The following PCDH7 variants were observed in gnomAD, a reference collection of about 807,000 sequenced individuals.
PCDH7 encodes protocadherin 7.
Under a neutral mutation model 58.9 loss-of-function variants are expected in PCDH7, and 17 were observed. The ratio of observed to expected loss-of-function variants is 0.29; its 90% CI spans 0.20 to 0.43. The LOEUF (loss-of-function observed/expected upper bound fraction) is 0.43. PCDH7 is among the 20% of genes least tolerant of loss of function. The pLI is 1.00. For synonymous variants in PCDH7, 664 were observed against 616.4 expected (o/e 1.08, Z -1.14); for missense variants, 1,274 against 1,441.0 (o/e 0.88, Z 1.88).
intron 3 of PCDH7, among the ~76,000 whole-genome samples, chr4:30,988,939 C>T (rs1751221998): frequency 6.6e-6 from 1 of 152,096 alleles, no homozygotes. Context: ...TTTAGAAAAA[C>T]TGACAGCTTG....
intron 1 of PCDH7, among the ~76,000 whole-genome samples, chr4:30,818,146 C>T (rs1727924857): frequency 6.6e-6 from 1 of 152,190 alleles, no homozygotes; most frequent in Non-Finnish European, 1.5e-5. Flanking sequence ...GTCGTCTTAG[C>T]AGTGAGCTCC....
downstream of PCDH7, among the ~76,000 whole-genome samples, chr4:30,735,359 C>T (rs756955028): frequency 4.7e-4 from 72 of 152,004 alleles, no homozygotes; most frequent in Non-Finnish European, 8.7e-4. Context: ...AAAGGTGAGG[C>T]GGGGCATATC....
At chr4:30,862,695 G>A (rs1004994231) in intron 1 of PCDH7, among the ~76,000 whole-genome samples, 2 of 152,006 alleles carry the variant, frequency 1.3e-5, no homozygotes, top group African/African-American at 4.8e-5. Flanking sequence ...TTTGCTTTTT[G>A]CTTTCTTTTC....
intron 3 of PCDH7, among the ~76,000 whole-genome samples, chr4:30,992,930 C>T (rs187960417): frequency 2.2e-4 from 33 of 151,422 alleles, no homozygotes; most frequent in African/African-American, 7.3e-4. Flanking sequence ...TCCTGAGTAG[C>T]TGGGATTACA....
intron 1 of PCDH7, among the ~76,000 whole-genome samples, chr4:30,758,368 G>T (rs928371649): frequency 5.3e-5 from 8 of 152,164 alleles, no homozygotes; most frequent in African/African-American, 1.9e-4. Flanking sequence ...AGGTTATGTT[G>T]TGCATGGTTT....
intron 1 of PCDH7, among the ~76,000 whole-genome samples, chr4:30,739,686 A>G (rs1273968533): frequency 1.3e-5 from 2 of 152,158 alleles, no homozygotes; most frequent in Non-Finnish European, 2.9e-5. Context: ...GTATGTATTT[A>G]TGTGTAGTGG....
chr4:30,775,960 C>T (rs747831569), intron 1 of PCDH7, among the ~76,000 whole-genome samples: 23 of 152,052 alleles, frequency 1.5e-4, no homozygotes, highest in African/African-American at 3.6e-4. Context: ...ACAAGTGTAA[C>T]GCTTGGCGAT....
At chr4:30,862,898 A>G (rs2109355561) in intron 1 of PCDH7, among the ~76,000 whole-genome samples, 1 of 152,248 alleles carries the variant, frequency 6.6e-6, no homozygotes, top group Middle Eastern at 3.4e-3. Context: ...CCACATGATT[A>G]TGGAAACATA....
chr4:30,933,247 G>A (rs1367788195), intron 2 of PCDH7, among the ~76,000 whole-genome samples: 2 of 152,096 alleles, frequency 1.3e-5, no homozygotes, highest in African/African-American at 2.4e-5. Flanking sequence ...GGATGGTCTC[G>A]ATCCCCTGAC....
At chr4:31,128,106 T>C (rs187090897) in intron 3 of PCDH7, among the ~76,000 whole-genome samples, 22 of 150,706 alleles carry the variant, frequency 1.5e-4, no homozygotes, top group South Asian at 4.2e-4. Flanking sequence ...TATATATGTG[T>C]ATATATATAC....
At chr4:31,020,806 G>C (rs1753963423) in intron 3 of PCDH7, among the ~76,000 whole-genome samples, 2 of 152,090 alleles carry the variant, frequency 1.3e-5, no homozygotes, top group African/African-American at 4.8e-5. Context: ...CCATTTCTTT[G>C]AGTAATGCAG....
chr4:30,935,689 C>G (rs529544382), intron 2 of PCDH7, among the ~76,000 whole-genome samples: 1 of 152,218 alleles, frequency 6.6e-6, no homozygotes, highest in South Asian at 2.1e-4. Context: ...AGACAACCGT[C>G]AAATATTCAG....
At chr4:30,795,243 G>A (rs1724635763) in intron 1 of PCDH7, among the ~76,000 whole-genome samples, 1 of 152,132 alleles carries the variant, frequency 6.6e-6, no homozygotes, top group Non-Finnish European at 1.5e-5. Context: ...AGCCTCCGGA[G>A]TAGCTGGAAT....
intron 2 of PCDH7, among the ~76,000 whole-genome samples, chr4:30,932,973 T>TA (rs1744829053): frequency 6.6e-6 from 1 of 152,102 alleles, no homozygotes; most frequent in Admixed American, 6.6e-5. Context: ...GAGTAGCTCT[T>TA]AAAATGTTGC....
At chr4:30,930,312 T>A (rs991566489) in intron 2 of PCDH7, among the ~76,000 whole-genome samples, 2 of 152,186 alleles carry the variant, frequency 1.3e-5, no homozygotes, top group African/African-American at 4.8e-5. Context: ...TGGTGCCATT[T>A]GCCAACCTTG....
intron 1 of PCDH7, among the ~76,000 whole-genome samples, chr4:30,725,835 ATTC>A (rs1164808851): frequency 6.6e-6 from 1 of 152,100 alleles, no homozygotes. Flanking sequence ...AGAGATATGA[ATTC>A]TTAATTGCTT....
At chr4:30,795,820 T>C (rs1048558402) in intron 1 of PCDH7, among the ~76,000 whole-genome samples, 3 of 152,190 alleles carry the variant, frequency 2.0e-5, no homozygotes, top group Admixed American at 6.5e-5. Context: ...AACATGGTAA[T>C]ATTTGTAAAT....
chr4:30,854,446 T>C (rs1474669601), intron 1 of PCDH7, among the ~76,000 whole-genome samples: 1 of 151,586 alleles, frequency 6.6e-6, no homozygotes, highest in African/African-American at 2.4e-5. Flanking sequence ...TGTTTGTTTG[T>C]TTGTTTTGGG....
At chr4:30,807,143 T>G (rs1049774336) in intron 1 of PCDH7, among the ~76,000 whole-genome samples, 1 of 152,216 alleles carries the variant, frequency 6.6e-6, no homozygotes. Context: ...GTTATCCTTT[T>G]CATATATTTA....
Sources: allele counts gnomAD v4.1 joint callset (sites outside exome capture counted in the v4.1 genomes callset), GRCh38; gene constraint gnomAD v4.1.1; transcripts MANE v1.5; gene names NCBI Gene and HGNC (gene_info 2026-07-23, HGNC 2026-07-21).